The following PREX2 variants were observed in gnomAD, a reference collection of about 807,000 sequenced individuals.
PREX2 encodes phosphatidylinositol 3,4,5-trisphosphate-dependent Rac exchanger 2 protein.
In PREX2, 107 loss-of-function variants were observed where a neutral mutation model predicts 203.2. That is an observed-to-expected ratio of 0.53 (90% CI 0.45 to 0.62). The LOEUF is 0.62. Among genes scored for constraint, PREX2 ranks in the 20% least tolerant of loss-of-function variants. The pLI is 0.00. For missense variants in PREX2, 1,777 were observed against 1,955.9 expected (o/e 0.91, Z 1.72); for synonymous variants, 672 against 663.6 (o/e 1.01, Z -0.19).
rs2129613931 is a variant in PREX2 at position 68,157,392 on chromosome 8, T to C, written c.4302T>C (p.Asn1434=). ...TGGAAGAATTTCAAGCTCAGATAAA[T>C]GCAGCCTCACTGGAAAAGGTCAAAC... is the stretch of plus-strand genomic sequence containing the variant. ...VSVEEFQAQI[N]AASLEKVKQY... The change falls in exon 35 of 40, where the codon AAT becomes AAC. Residue 1434 remains asparagine, a synonymous_variant. Transcript: ENST00000288368. The C allele has an allele frequency of 1.2e-6, 2 of 1,612,782 alleles. No individual in the cohort carries two copies. The highest frequency in any genetic ancestry group is 1.7e-6 in the Non-Finnish European group (2 of 1,179,068).
chr8:68,085,086 A>G (rs1809640909), intron 18 of PREX2, among the ~76,000 whole-genome samples: 2 of 152,160 alleles, frequency 1.3e-5, no homozygotes, highest in South Asian at 4.1e-4. Context: ...CCTCTCTTCC[A>G]CTACTTGCTA....
intron 26 of PREX2, 147 bp from the exon 27 acceptor site, chr8:68,118,399 AAGAT>A: frequency 1.7e-6 from 1 of 576,544 alleles, no homozygotes; most frequent in South Asian, 2.2e-5. Flanking sequence ...TTTAAAAAGT[AAGAT>A]AGACTGAGTT....
chr8:67,999,415 C>G (rs4498524), intron 1 of PREX2, among the ~76,000 whole-genome samples: 1 of 148,116 alleles, frequency 6.8e-6, no homozygotes, highest in Non-Finnish European at 1.5e-5. Context: ...ATGAAGAAAT[C>G]GATTCCCTAA....
At chr8:68,172,449 A>G (rs1370500531) in intron 35 of PREX2, among the ~76,000 whole-genome samples, 2 of 152,228 alleles carry the variant, frequency 1.3e-5, no homozygotes, top group Non-Finnish European at 2.9e-5. Context: ...GCTTGCCAAG[A>G]ACATTTTGTC....
At chr8:67,953,287 T>A (rs993238382) in intron 1 of PREX2, among the ~76,000 whole-genome samples, 9 of 151,056 alleles carry the variant, frequency 6.0e-5, no homozygotes, top group Admixed American at 5.9e-4. Context: ...GAAGTGGGGA[T>A]GTACTTATAT....
intron 37 of PREX2, among the ~76,000 whole-genome samples, chr8:68,203,948 T>G (rs1232709462): frequency 1.3e-5 from 2 of 152,054 alleles, no homozygotes; most frequent in Non-Finnish European, 2.9e-5. Context: ...AGGACAAAAG[T>G]CAAATTTGAG....
At chr8:68,112,794 C>T (rs1159116358) in intron 25 of PREX2, among the ~76,000 whole-genome samples, 1 of 152,044 alleles carries the variant, frequency 6.6e-6, no homozygotes, top group African/African-American at 2.4e-5. Context: ...GTCTTGCCTA[C>T]CCCACCTCTA....
chr8:68,022,095 A>T lies in PREX2; in HGVS notation c.396A>T (p.Leu132Phe). 1.3e-6 allele frequency: 2 copies of T among 1,577,210 alleles called. No homozygotes were observed. The highest frequency in any genetic ancestry group is 1.7e-6 in the Non-Finnish European group (2 of 1,146,676). ...YCSNHEKAQK[L>F]LLELNKIRTI... The stretch of plus-strand genomic sequence containing the variant: ...GTAACCATGAGAAGGCACAAAAATT[A>T]CTTCTTGAACTCAACAAAATAAGAA... Residue 132 changes from leucine (L) to phenylalanine (F), a missense_variant, in exon 4 of 40, where the codon TTA (leucine) becomes TTT (phenylalanine). Leu to Phe is a conservative substitution (Grantham distance 22, BLOSUM62 0). Transcript: ENST00000288368.
At position 68,060,683 on chromosome 8, in the gene PREX2, T is replaced by A. The variant is rs1317390372; in HGVS notation, c.1243T>A (p.Phe415Ile). ...TTCACTGACTTTCTCTTGCAGCGAATTTGTGTCATGGCTGTTGGAAATTGG... is the reference window on the plus strand; with the variant it reads ...TTCACTGACTTTCTCTTGCAGCGAAATTGTGTCATGGCTGTTGGAAATTGG... ...TFPKCFLGSE[F>I]VSWLLEIGEI... The change falls in exon 11 of 40, where the codon TTT becomes ATT. Residue 415 changes from phenylalanine (F) to isoleucine (I), a missense_variant. Physicochemically the swap from Phe to Ile is conservative, Grantham distance 21. Transcript: ENST00000288368. The A allele has an allele frequency of 1.2e-6, 2 of 1,609,280 alleles. No individual in the cohort carries two copies. Among genetic ancestry groups the A allele is most frequent in the African/African-American group, 2.7e-5 (2 of 74,654 alleles).
At chr8:68,058,413 T>C (rs1808741139) in intron 10 of PREX2, among the ~76,000 whole-genome samples, 1 of 151,544 alleles carries the variant, frequency 6.6e-6, no homozygotes, top group Admixed American at 6.6e-5. Context: ...CATTTAATCC[T>C]TTGGTTGCAC....
At chr8:68,194,843 CAG>C (rs1228910973) in intron 37 of PREX2, among the ~76,000 whole-genome samples, 1 of 151,478 alleles carries the variant, frequency 6.6e-6, no homozygotes, top group Non-Finnish European at 1.5e-5. Flanking sequence ...GCAGATATCT[CAG>C]AGAAAGAGCT....
intron 8 of PREX2, among the ~76,000 whole-genome samples, chr8:68,049,431 C>A (rs1412997990): frequency 1.3e-5 from 2 of 151,870 alleles, no homozygotes; most frequent in Non-Finnish European, 2.9e-5. Context: ...TATTGAAATG[C>A]AAATTTATTG....
At chr8:68,149,568 A>T (rs889050344) in intron 34 of PREX2, among the ~76,000 whole-genome samples, 1 of 152,220 alleles carries the variant, frequency 6.6e-6, no homozygotes, top group African/African-American at 2.4e-5. Context: ...TAAAGCAAGC[A>T]ACTATAAGTT....
intron 38 of PREX2, among the ~76,000 whole-genome samples, chr8:68,218,883 T>C (rs1236737749): frequency 6.6e-6 from 1 of 152,192 alleles, no homozygotes; most frequent in African/African-American, 2.4e-5. Context: ...CTAAGAAGCA[T>C]GTGACATACT....
intron 15 of PREX2, 44 bp downstream of exon 15, chr8:68,077,513 C>T (rs978833713): frequency 2.1e-5 from 30 of 1,409,478 alleles, no homozygotes; most frequent in Non-Finnish European, 2.7e-5. Flanking sequence ...TATTTCATCA[C>T]GTTGGTTCTT....
chr8:68,164,639 G>C (rs1467518551), intron 35 of PREX2, among the ~76,000 whole-genome samples: 1 of 146,450 alleles, frequency 6.8e-6, no homozygotes, highest in Non-Finnish European at 1.5e-5. Flanking sequence ...CGGGAGTGCA[G>C]TGGCACGATC....
At chr8:68,198,464 A>G (rs1379351990) in intron 37 of PREX2, among the ~76,000 whole-genome samples, 1 of 152,180 alleles carries the variant, frequency 6.6e-6, no homozygotes, top group East Asian at 1.9e-4. Flanking sequence ...AAAGCTTGCT[A>G]CCGGGATTTC....
chr8:68,081,546 T>C lies in PREX2; in HGVS notation c.1878+708T>C, dbSNP rs1477683897. Among the ~76,000 whole-genome samples, 13 of 152,212 alleles carry C rather than the reference T, an allele frequency of 8.5e-5. 1 individual carries two copies. The South Asian group carries it at 2.5e-3, about 29-fold the overall frequency. On this transcript the variant is annotated intron_variant, in intron 17 of 39. Transcript: ENST00000288368. ...GACTGCATAGGGTAGCACTGTATTA[T>C]GCACGGCAGATGGTTCTTCCTTTCT...
intron 39 of PREX2, among the ~76,000 whole-genome samples, chr8:68,228,529 G>A (rs1321304140): frequency 2.0e-5 from 3 of 152,050 alleles, no homozygotes; most frequent in South Asian, 2.1e-4. Context: ...TTGGGAGGCC[G>A]AGGCAGGCGG....
Sources: gnomAD v4.1 joint callset for allele counts (sites outside exome capture counted in the v4.1 genomes callset) on GRCh38, gnomAD v4.1.1 for gene constraint, MANE v1.5 for transcripts, NCBI Gene and HGNC (gene_info 2026-07-23, HGNC 2026-07-21) for gene names.